Variants in RBMS3 observed in about 807,000 individuals in gnomAD.
RBMS3 encodes RNA binding motif single stranded interacting protein 3.
RBMS3 carries 27 observed loss-of-function variants against 66.8 expected under a neutral mutation model. That is an observed-to-expected ratio of 0.40 (90% CI 0.30 to 0.56). The LOEUF (loss-of-function observed/expected upper bound fraction) is 0.56. Among genes scored for constraint, RBMS3 ranks in the 20% least tolerant of loss-of-function variants. RBMS3 has a pLI of 0.40. For missense variants in RBMS3, 513 were observed against 549.5 expected, an observed-to-expected ratio of 0.93 and a Z score of 0.66; for synonymous variants, 188 against 183.0, an observed-to-expected ratio of 1.03 and a Z score of -0.22.
At chr3:29,536,846 A>G (rs1325867721) in intron 3 of RBMS3, among the ~76,000 whole-genome samples, 1 of 152,226 alleles carries the variant, frequency 6.6e-6, no homozygotes, top group African/African-American at 2.4e-5. Flanking sequence ...TCCGACTGCA[A>G]GTGATATTGT....
At chr3:29,577,042 A>G (rs569729642) in intron 3 of RBMS3, among the ~76,000 whole-genome samples, 5 of 152,158 alleles carry the variant, frequency 3.3e-5, no homozygotes, top group Admixed American at 1.3e-4. Context: ...TCTACATCTC[A>G]GAGCCCAAGG....
intron 6 of RBMS3, among the ~76,000 whole-genome samples, chr3:29,817,770 G>A (rs1044018800): frequency 4.6e-5 from 7 of 151,760 alleles, no homozygotes; most frequent in African/African-American, 1.7e-4. Flanking sequence ...AGGGAAAAAT[G>A]ATAAACCATT....
chr3:29,462,929 G>A (rs145881604), intron 2 of RBMS3, among the ~76,000 whole-genome samples: 11 of 152,326 alleles, frequency 7.2e-5, no homozygotes, highest in African/African-American at 2.4e-4. Context: ...GGTATTAAAT[G>A]TATATGACTA....
chr3:29,824,791 T>A (rs1343687466), intron 6 of RBMS3, among the ~76,000 whole-genome samples: 1 of 152,150 alleles, frequency 6.6e-6, no homozygotes, highest in Admixed American at 6.6e-5. Context: ...GCACACTAAT[T>A]TAAAAAAGGT....
chr3:29,870,128 A>C (rs1424925594), intron 7 of RBMS3, among the ~76,000 whole-genome samples: 3 of 152,314 alleles, frequency 2.0e-5, no homozygotes, highest in Non-Finnish European at 1.5e-5. Context: ...CTAATAAAAA[A>C]GATAAAGAGT....
chr3:29,725,846 C>G (rs1032415164), intron 4 of RBMS3, among the ~76,000 whole-genome samples: 4 of 152,158 alleles, frequency 2.6e-5, no homozygotes, highest in African/African-American at 9.7e-5. Context: ...GGAATCCTCC[C>G]TAACTCACCC....
chr3:29,965,302 C>T, intron 12 of RBMS3, among the ~76,000 whole-genome samples: 1 of 152,156 alleles, frequency 6.6e-6, no homozygotes, highest in East Asian at 1.9e-4. Flanking sequence ...AATATCCACA[C>T]TGTTTTCCAT....
intron 1 of RBMS3, among the ~76,000 whole-genome samples, chr3:29,320,960 A>C: frequency 6.6e-6 from 1 of 152,152 alleles, no homozygotes; most frequent in African/African-American, 2.4e-5. Context: ...GTTTGGGGAA[A>C]ATCTTTAAAC....
At chr3:29,939,959 G>A (rs1439328163) in intron 11 of RBMS3, among the ~76,000 whole-genome samples, 3 of 151,712 alleles carry the variant, frequency 2.0e-5, no homozygotes, top group Non-Finnish European at 4.4e-5. Flanking sequence ...ACTGAAACCT[G>A]TTCCTCTTGT....
intron 8 of RBMS3, among the ~76,000 whole-genome samples, chr3:29,895,033 C>T (rs1301194819): frequency 1.3e-5 from 2 of 151,426 alleles, no homozygotes; most frequent in African/African-American, 4.8e-5. Flanking sequence ...AGGCAATAGC[C>T]TGATTGTGCT....
chr3:29,305,242 A>C (rs976434907), intron 1 of RBMS3, among the ~76,000 whole-genome samples: 4 of 151,946 alleles, frequency 2.6e-5, no homozygotes, highest in Admixed American at 1.3e-4. Flanking sequence ...CCATTGTTTT[A>C]CCATATTTTA....
chr3:29,409,876 T>A (rs1190719138), intron 1 of RBMS3, among the ~76,000 whole-genome samples: 1 of 152,206 alleles, frequency 6.6e-6, no homozygotes, highest in Non-Finnish European at 1.5e-5. Flanking sequence ...TTAATTGATT[T>A]TTTTTTCATT....
At chr3:29,666,183 A>T (rs1249986945) in intron 4 of RBMS3, among the ~76,000 whole-genome samples, 1 of 152,198 alleles carries the variant, frequency 6.6e-6, no homozygotes, top group East Asian at 1.9e-4. Flanking sequence ...TGATAAGTTG[A>T]CCACCCTGAC....
chr3:29,331,471 T>G (rs1454166588), intron 1 of RBMS3, among the ~76,000 whole-genome samples: 1 of 152,124 alleles, frequency 6.6e-6, no homozygotes, highest in Non-Finnish European at 1.5e-5. Context: ...CTTGCTTGCC[T>G]TATTTCCCTT....
intron 4 of RBMS3, among the ~76,000 whole-genome samples, chr3:29,659,452 T>G (rs1259927890): frequency 6.6e-6 from 1 of 152,194 alleles, no homozygotes; most frequent in Non-Finnish European, 1.5e-5. Context: ...TTGACTACTT[T>G]TCATACATTA....
chr3:29,281,787 C>T (rs1294759759), intron 1 of RBMS3, 31 bp downstream of exon 1: 5 of 1,570,508 alleles, frequency 3.2e-6, no homozygotes, highest in Non-Finnish European at 4.4e-6. Context: ...TGGCGATCAG[C>T]GTGGTATCGT....
intron 4 of RBMS3, among the ~76,000 whole-genome samples, chr3:29,598,934 A>G (rs1393830970): frequency 6.6e-6 from 1 of 152,126 alleles, no homozygotes; most frequent in Non-Finnish European, 1.5e-5. Context: ...AGGAGCAAAG[A>G]GAACTAAGTG....
At position 29,355,727 on chromosome 3, in the gene RBMS3, A is replaced by T. The variant is rs114862201; in HGVS notation, c.75+73971A>T. Among the ~76,000 whole-genome samples, 1,447 of 152,258 alleles carry T rather than the reference A, an allele frequency of 9.5e-3. 30 individuals are homozygous for T. The highest frequency in any genetic ancestry group is 0.033 in the African/African-American group (1,369 of 41,566). On this transcript the variant is annotated intron_variant, in intron 1 of 14. Transcript: ENST00000383767. Reference sequence around the variant, plus strand: ...TCATTTCCAAAATGAGGGGAAAAGCATTGAGTGTATAGTACTTCCTTTTTT... The same window carrying T: ...TCATTTCCAAAATGAGGGGAAAAGCTTTGAGTGTATAGTACTTCCTTTTTT...
chr3:29,806,128 G>A (rs1331424596), intron 6 of RBMS3, among the ~76,000 whole-genome samples: 2 of 151,910 alleles, frequency 1.3e-5, no homozygotes, highest in African/African-American at 4.8e-5. Flanking sequence ...AAACCTATTT[G>A]ATGCATGAAC....
Sources: allele counts gnomAD v4.1 joint callset (sites outside exome capture counted in the v4.1 genomes callset), GRCh38; gene constraint gnomAD v4.1.1; transcripts MANE v1.5; gene names NCBI Gene and HGNC (gene_info 2026-07-23, HGNC 2026-07-21).